Variants in CNTNAP2 observed in about 807,000 individuals in gnomAD.
CNTNAP2 encodes contactin-associated protein-like 2.
CNTNAP2 carries 98 observed loss-of-function variants against 155.2 expected under a neutral mutation model. The observed-to-expected ratio is 0.63, with a 90% CI of 0.54 to 0.75. The LOEUF (loss-of-function observed/expected upper bound fraction) is 0.75. Among genes scored for constraint, CNTNAP2 ranks in the 30% least tolerant of loss-of-function variants. The pLI is 0.00. For missense variants in CNTNAP2, 1,727 were observed against 1,688.1 expected (o/e 1.02, Z -0.40); for synonymous variants, 651 against 631.2 (o/e 1.03, Z -0.47).
intron 15 of CNTNAP2, among the ~76,000 whole-genome samples, chr7:147,981,379 T>C (rs1255552901): frequency 6.6e-6 from 1 of 152,248 alleles, no homozygotes; most frequent in Non-Finnish European, 1.5e-5. Flanking sequence ...ATTACATTTA[T>C]GTAATTTAAA....
At chr7:147,198,912 G>A (rs1355244241) in intron 8 of CNTNAP2, among the ~76,000 whole-genome samples, 2 of 150,326 alleles carry the variant, frequency 1.3e-5, no homozygotes, top group Non-Finnish European at 3.0e-5. Flanking sequence ...ACAAGAAAGA[G>A]CAATGGCCTG....
At chr7:147,053,895 T>G (rs754634784) in intron 4 of CNTNAP2, among the ~76,000 whole-genome samples, 5 of 152,178 alleles carry the variant, frequency 3.3e-5, no homozygotes, top group Non-Finnish European at 4.4e-5. Flanking sequence ...GAGCCATATG[T>G]GTACTCTATA....
intron 3 of CNTNAP2, among the ~76,000 whole-genome samples, chr7:146,964,702 G>T (rs1797621580): frequency 6.6e-6 from 1 of 152,132 alleles, no homozygotes; most frequent in Non-Finnish European, 1.5e-5. Flanking sequence ...GTACAGCAGG[G>T]GTTCACAAAC....
At chr7:146,513,231 G>T (rs1476167504) in intron 1 of CNTNAP2, among the ~76,000 whole-genome samples, 1 of 151,726 alleles carries the variant, frequency 6.6e-6, no homozygotes, top group Non-Finnish European at 1.5e-5. Flanking sequence ...TATATAATTG[G>T]ATCTTTTAAA....
chr7:148,229,741 G>C lies in CNTNAP2; in HGVS notation c.3343G>C (p.Val1115Leu), dbSNP rs541831620. ...RNMANGQPHSVNITRHEKTIF... is the reference protein window; with the variant it reads ...RNMANGQPHSLNITRHEKTIF... ...CATGGCCAATGGACAGCCCCACAGT[G>C]TCAACATCACCCGCCACGAGAAGAC... The change falls in exon 20 of 24, where the codon GTC (valine) becomes CTC (leucine). Residue 1115 changes from valine to leucine, a missense_variant. Physicochemically the swap from Val to Leu is conservative, Grantham distance 32 (BLOSUM62 1). Transcript: ENST00000361727. 6.2e-7 allele frequency: 1 copy of C among 1,613,830 alleles called. No homozygotes were observed. The highest frequency in any genetic ancestry group is 8.5e-7 in the Non-Finnish European group (1 of 1,179,990).
chr7:148,328,114 C>G (rs1189436681), intron 21 of CNTNAP2, among the ~76,000 whole-genome samples: 2 of 152,208 alleles, frequency 1.3e-5, no homozygotes, highest in South Asian at 2.1e-4. Flanking sequence ...CAGATGAGAA[C>G]ACGCAGAGGC....
rs1254890015 is a variant in CNTNAP2 at position 148,420,149 on chromosome 7, AG to A, written c.*4535del. 2.6e-5 allele frequency: 4 copies of A among 152,336 alleles called. No individual in the cohort carries two copies. Among genetic ancestry groups the A allele is most frequent in the Non-Finnish European group, 4.4e-5 (3 of 68,024 alleles). The allele number at this position is 152,336 out of a possible 1,614,324, so 9.4% of individuals were successfully genotyped here. On this transcript the variant is annotated 3_prime_UTR_variant, in exon 24 of 24. Transcript: ENST00000361727. The stretch of plus-strand genomic sequence containing the variant: ...ACACTGGGAGATGCAACATAGCAAA[AG>A]GACAGAGAAATTAGAATTTTTTGTG...
chr7:148,364,609 T>G (rs1392870144), intron 21 of CNTNAP2, among the ~76,000 whole-genome samples: 1 of 152,156 alleles, frequency 6.6e-6, no homozygotes, highest in Non-Finnish European at 1.5e-5. Context: ...TGGTGGGGCC[T>G]TGGAGAACCT....
At chr7:146,866,570 G>C (rs986235615) in intron 3 of CNTNAP2, among the ~76,000 whole-genome samples, 1 of 152,030 alleles carries the variant, frequency 6.6e-6, no homozygotes. Flanking sequence ...TGATGGAAAG[G>C]TATGTCCATG....
intron 10 of CNTNAP2, among the ~76,000 whole-genome samples, chr7:147,477,280 C>T (rs1405329544): frequency 2.0e-5 from 3 of 151,986 alleles, no homozygotes; most frequent in East Asian, 1.9e-4. Context: ...TTGAAACTTC[C>T]TTGTTATATA....
intron 13 of CNTNAP2, among the ~76,000 whole-genome samples, chr7:147,725,554 C>T (rs1296919485): frequency 6.6e-6 from 1 of 152,074 alleles, no homozygotes; most frequent in Non-Finnish European, 1.5e-5. Context: ...CCCCCACTCT[C>T]TCTCCTCCTC....
At chr7:146,783,658 A>T (rs1043624865) in intron 2 of CNTNAP2, among the ~76,000 whole-genome samples, 1 of 152,232 alleles carries the variant, frequency 6.6e-6, no homozygotes, top group Non-Finnish European at 1.5e-5. Flanking sequence ...TTGGTATTTC[A>T]ACACCTTGTT....
At chr7:147,434,340 C>T (rs1585815) in intron 10 of CNTNAP2, among the ~76,000 whole-genome samples, 18,972 of 152,044 alleles carry the variant, frequency 0.12, 1,456 homozygotes, top group East Asian at 0.32. Context: ...ATTTTCCTCA[C>T]GTTTGTAGTG....
At chr7:146,498,950 C>T (rs1797259483) in intron 1 of CNTNAP2, among the ~76,000 whole-genome samples, 1 of 152,188 alleles carries the variant, frequency 6.6e-6, no homozygotes, top group Non-Finnish European at 1.5e-5. Flanking sequence ...TATGGTGTCA[C>T]ATTTTTAAAA....
intron 4 of CNTNAP2, chr7:147,081,963 C>G (rs1800141806): frequency 6.6e-6 from 1 of 152,052 alleles, no homozygotes; most frequent in African/African-American, 2.4e-5. Context: ...TCAATAGGCT[C>G]TAGCTAATAG....
chr7:146,249,387 T>C (rs1194408623), intron 1 of CNTNAP2, among the ~76,000 whole-genome samples: 3 of 152,220 alleles, frequency 2.0e-5, no homozygotes, highest in Non-Finnish European at 4.4e-5. Flanking sequence ...TCTGTATCTC[T>C]TAATAGAAAT....
At chr7:147,311,750 A>G (rs1279204289) in intron 9 of CNTNAP2, among the ~76,000 whole-genome samples, 1 of 152,128 alleles carries the variant, frequency 6.6e-6, no homozygotes, top group African/African-American at 2.4e-5. Context: ...TTGCATATCT[A>G]ATACTCTATG....
In CNTNAP2 at chr7:146,985,308, ATTTTTTTTTT is replaced by A. The variant is rs71165057; in HGVS notation, c.403-58579_403-58570del. Among the ~76,000 whole-genome samples, 238 of 127,840 alleles carry A rather than the reference ATTTTTTTTTT, an allele frequency of 1.9e-3. 2 individuals are homozygous for A. Among genetic ancestry groups the A allele is most frequent in the African/African-American group, 6.9e-3 (221 of 32,008 alleles). 83.9% of individuals were successfully genotyped at this position (127,840 alleles called of 152,430 possible). On this transcript the variant is annotated intron_variant, in intron 3 of 23. Coordinates refer to ENST00000361727, the MANE Select transcript of CNTNAP2 (RefSeq NM_014141.6). The stretch of plus-strand genomic sequence containing the variant: ...CAAAGTGCTTGTGGAAAATGCTTGA[ATTTTTTTTTT>A]TTTTTTTTTTTTTTTTTTTGAGACA...
At chr7:146,129,240 A>C (rs1797680393) in intron 1 of CNTNAP2, among the ~76,000 whole-genome samples, 1 of 152,198 alleles carries the variant, frequency 6.6e-6, no homozygotes, top group South Asian at 2.1e-4. Flanking sequence ...TCATGTATCT[A>C]CTTTCAAAGA....
Sources: allele counts gnomAD v4.1 joint callset (sites outside exome capture counted in the v4.1 genomes callset), GRCh38; gene constraint gnomAD v4.1.1; transcripts MANE v1.5; gene names NCBI Gene and HGNC (gene_info 2026-07-23, HGNC 2026-07-21).